SLC35F5: variants seen among roughly 807,000 people sequenced by gnomAD.
The protein encoded by SLC35F5 is solute carrier family 35 member F5, also known as HCV NS5A-transactivated protein 3.
Under a neutral mutation model 68.6 loss-of-function variants are expected in SLC35F5, and 54 were observed. That is an observed-to-expected ratio of 0.79 (90% CI 0.63 to 0.99). The LOEUF is 0.99. SLC35F5 is among the 50% of genes least tolerant of loss of function. The pLI is 0.00. For synonymous variants in SLC35F5, 211 were observed against 205.2 expected (o/e 1.03, Z -0.24); for missense variants, 567 against 626.9 (o/e 0.90, Z 1.02).
intron 13 of SLC35F5, 52 bp downstream of exon 13, chr2:113,723,052 T>C (rs1687511521): frequency 1.6e-6 from 2 of 1,236,942 alleles, no homozygotes; most frequent in African/African-American, 1.5e-5. Context: ...TTCATTAGGT[T>C]TGTTTTAATA....
At chr2:113,731,211 C>T (rs1218237824) in intron 10 of SLC35F5, among the ~76,000 whole-genome samples, 1 of 152,004 alleles carries the variant, frequency 6.6e-6, no homozygotes, top group Non-Finnish European at 1.5e-5. Context: ...AACACTTCTG[C>T]ATTTAAAGGA....
downstream of SLC35F5, among the ~76,000 whole-genome samples, chr2:113,702,868 G>T (rs1574188415): frequency 6.6e-6 from 1 of 152,202 alleles, no homozygotes; most frequent in East Asian, 1.9e-4. Flanking sequence ...TAGCACTTTG[G>T]GAAGCTAAGG....
Position 113,717,807 on chromosome 2 carries a change from G to T in SLC35F5, c.1540C>A (p.His514Asn). The change falls in exon 15 of 16, where the codon CAC (histidine) becomes AAC (asparagine). Residue 514 changes from histidine (H) to asparagine (N), a missense_variant. Coordinates refer to ENST00000245680, the MANE Select transcript of SLC35F5 (RefSeq NM_025181.5). Reference sequence around the variant, plus strand: ...GCTCCATCCTCCTGAGAAACACTGTGCATAGAAATGAGACTCTCACACTGT... The same window carrying T: ...GCTCCATCCTCCTGAGAAACACTGTTCATAGAAATGAGACTCTCACACTGT... ...SEQCESLISM[H>N]SVSQEDGAS 1 of 1,613,344 alleles carries T rather than the reference G, an allele frequency of 6.2e-7. No homozygotes were observed. The highest frequency in any genetic ancestry group is 1.1e-5 in the South Asian group (1 of 90,958).
chr2:113,713,178 A>G lies in SLC35F5; in HGVS notation c.*2040T>C, dbSNP rs1039117394. ...AGTGATTCATACTTTCAGTTAACCAATTGAACAGTGGTGCTTCCTTCTGAA... is the reference window on the plus strand; with the variant it reads ...AGTGATTCATACTTTCAGTTAACCAGTTGAACAGTGGTGCTTCCTTCTGAA... On this transcript the variant is annotated 3_prime_UTR_variant, in exon 16 of 16. Transcript: ENST00000245680. The G allele has an allele frequency of 6.6e-5, 10 of 152,206 alleles. No individual in the cohort carries two copies. Among genetic ancestry groups the G allele is most frequent in the African/African-American group, 1.9e-4 (8 of 41,452 alleles). The allele number at this position is 152,206 out of a possible 1,614,324, so 9.4% of individuals were successfully genotyped here.
chr2:113,753,162 G>GTTTTTTTTTTTTTTTTTTTTTTTT (rs143010470), intron 3 of SLC35F5, among the ~76,000 whole-genome samples: 20 of 50,536 alleles, frequency 4.0e-4, no homozygotes, highest in Middle Eastern at 0.013. Context: ...TCCAAAGTTT[G>GTTTTTTTTTTTTTTTTTTTTTTTT]TTTTTCTTTT....
In SLC35F5 at chr2:113,708,884, C is replaced by G. The variant is rs1686880181; in HGVS notation, c.*6334G>C. 6.6e-6 allele frequency among the ~76,000 whole-genome samples: 1 copy of G among 152,106 alleles called. No individual in the cohort carries two copies. Among genetic ancestry groups the G allele is most frequent in the Non-Finnish European group, 1.5e-5 (1 of 68,022 alleles). ...GAACATGCATTAGGTAACCAGGGGG[C>G]AACAGAGTAGGGACTAATAAGGCCA... is the stretch of plus-strand genomic sequence containing the variant. On this transcript the variant is annotated 3_prime_UTR_variant, in exon 16 of 16. Transcript: ENST00000245680.
In SLC35F5 at chr2:113,731,464, A is replaced by G. The variant is rs200000189; in HGVS notation, c.985+120T>C. 8 of 621,194 alleles carry G rather than the reference A, an allele frequency of 1.3e-5. No individual in the cohort carries two copies. The East Asian group carries it at 2.1e-4, about 16-fold the overall frequency. 38.5% of individuals were successfully genotyped at this position (621,194 alleles called of 1,614,324 possible). On this transcript the variant is annotated intron_variant, in intron 10 of 15. Transcript: ENST00000245680. ...TTTTTTATGTTATTTCCAAAGGAAA[A>G]GTTCAAAAAAAACCCACCCTGCTAG...
At chr2:113,734,450 ATCATG>A (rs1204134205) in intron 9 of SLC35F5, 131 bp downstream of exon 9, 4 of 593,764 alleles carry the variant, frequency 6.7e-6, no homozygotes, top group Non-Finnish European at 9.0e-6. Flanking sequence ...GCTAAGTAGC[ATCATG>A]TCCACTTAAA....
chr2:113,725,487 G>C lies in SLC35F5; in HGVS notation c.1141C>G (p.Leu381Val), dbSNP rs556890812. Residue 381 changes from leucine (L) to valine (V), a missense_variant, in exon 12 of 16, where the codon CTT (leucine) becomes GTT (valine). Coordinates refer to ENST00000245680, the MANE Select transcript of SLC35F5 (RefSeq NM_025181.5). The stretch of plus-strand genomic sequence containing the variant: ...AAGTCCTCAAATCCAGTATAATGAA[G>C]TAAAAAGAAACCTGGCCATAAGAGC... ...LLLLWPGFFLLHYTGFEDFEF... is the reference protein window; with the variant it reads ...LLLLWPGFFLVHYTGFEDFEF... 6.2e-7 allele frequency: 1 copy of C among 1,603,770 alleles called. No homozygotes were observed. Among genetic ancestry groups the C allele is most frequent in the South Asian group, 1.1e-5 (1 of 88,384 alleles).
chr2:113,756,112 G>C, intron 1 of SLC35F5: 1 of 1,445,406 alleles, frequency 6.9e-7, no homozygotes, highest in Non-Finnish European at 9.1e-7. Context: ...TTCTGTTTTG[G>C]AGCGGGGAAG....
chr2:113,715,638 A>T (rs1297483253), intron 15 of SLC35F5, among the ~76,000 whole-genome samples: 4 of 152,180 alleles, frequency 2.6e-5, no homozygotes. Context: ...TAATGCATAA[A>T]TTACAGCATT....
At chr2:113,741,083 A>G (rs1676254676) in intron 7 of SLC35F5, among the ~76,000 whole-genome samples, 1 of 152,264 alleles carries the variant, frequency 6.6e-6, no homozygotes, top group Non-Finnish European at 1.5e-5. Flanking sequence ...CTGTACAATG[A>G]AATATTATTC....
downstream of SLC35F5, chr2:113,703,750 G>C (rs937983017): frequency 1.3e-5 from 2 of 152,074 alleles, no homozygotes; most frequent in Non-Finnish European, 2.9e-5. Context: ...AGAAAAACTG[G>C]GGCCAATAAA....
At chr2:113,742,665 T>C (rs1359674333) in intron 7 of SLC35F5, 27 bp downstream of exon 7, 1 of 1,609,464 alleles carries the variant, frequency 6.2e-7, no homozygotes, top group Admixed American at 1.7e-5. Flanking sequence ...TCAAACATCA[T>C]ATGCAAACAT....
At chr2:113,736,040 A>G (rs572199309) in intron 7 of SLC35F5, among the ~76,000 whole-genome samples, 182 bp from the exon 8 acceptor site, 5 of 152,244 alleles carry the variant, frequency 3.3e-5, no homozygotes, top group Non-Finnish European at 5.9e-5. Flanking sequence ...AATCAGACCT[A>G]AGACCATGCT....
At chr2:113,716,922 G>A (rs1687204165) in intron 15 of SLC35F5, among the ~76,000 whole-genome samples, 1 of 152,170 alleles carries the variant, frequency 6.6e-6, no homozygotes, top group Non-Finnish European at 1.5e-5. Flanking sequence ...TAACCTTCAA[G>A]CCTAATATAA....
At position 113,712,855 on chromosome 2, in the gene SLC35F5, C is replaced by A. The variant is rs1687038272; in HGVS notation, c.*2363G>T. On this transcript the variant is annotated 3_prime_UTR_variant, in exon 16 of 16. Coordinates refer to ENST00000245680, the MANE Select transcript of SLC35F5 (RefSeq NM_025181.5). The stretch of plus-strand genomic sequence containing the variant: ...AATATAATTACAGGCCAACATGGGT[C>A]TGACAGAGAGGAAGGACGTCAGCAG... 1 of 152,148 alleles carries A rather than the reference C, an allele frequency of 6.6e-6. No homozygotes were observed. Among genetic ancestry groups the A allele is most frequent in the Non-Finnish European group, 1.5e-5 (1 of 68,032 alleles). 9.4% of individuals were successfully genotyped at this position (152,148 alleles called of 1,614,324 possible).
chr2:113,728,181 A>C (rs1477688836), intron 11 of SLC35F5, among the ~76,000 whole-genome samples: 3 of 152,096 alleles, frequency 2.0e-5, no homozygotes, highest in Non-Finnish European at 4.4e-5. Context: ...CTTGAATTCT[A>C]TATTTAAAAA....
chr2:113,719,498 T>C (rs1429313157), intron 13 of SLC35F5, 190 bp from the exon 14 acceptor site: 5 of 462,352 alleles, frequency 1.1e-5, no homozygotes, highest in Non-Finnish European at 1.8e-5. Context: ...TACTATTCCA[T>C]GCACCTAAAT....
Sources: gnomAD v4.1 joint callset for allele counts (sites outside exome capture counted in the v4.1 genomes callset) on GRCh38, gnomAD v4.1.1 for gene constraint, MANE v1.5 for transcripts, NCBI Gene and HGNC (gene_info 2026-07-23, HGNC 2026-07-21) for gene names.